CFAP77: variants seen among roughly 807,000 people sequenced by gnomAD.
The protein encoded by CFAP77 is cilia- and flagella-associated protein 77.
CFAP77 carries 25 observed loss-of-function variants against 31.1 expected under a neutral mutation model. The observed-to-expected ratio is 0.80, with a 90% CI of 0.59 to 1.12. The LOEUF (loss-of-function observed/expected upper bound fraction) is 1.12, where lower values mean the gene tolerates loss of function less well. CFAP77 is among the 50% of genes most tolerant of loss of function. The pLI is 0.00. For missense variants in CFAP77, 377 were observed against 397.3 expected (o/e 0.95, Z 0.44); for synonymous variants, 151 against 159.9 (o/e 0.94, Z 0.42).
chr9:132,531,625 T>TTG (rs568339984), intron 3 of CFAP77, among the ~76,000 whole-genome samples: 1 of 66,046 alleles, frequency 1.5e-5, no homozygotes, highest in African/African-American at 4.9e-5. Flanking sequence ...GGCTAAGACA[T>TTG]GGGGGGGGGG....
Position 132,498,784 on chromosome 9 carries a change from A to G in CFAP77, c.285A>G (p.Gly95=), listed in dbSNP as rs151284797. ...YGLYIRGLDG[G]VPEAIGRWNV... ...TCTACATCCGAGGGCTTGACGGAGG[A>G]GTCCCTGAAGGTGAGCGAGCAGCTT... The change falls in exon 2 of 6, where the codon GGA becomes GGG. Residue 95 remains glycine, a synonymous_variant. Transcript: ENST00000393216. This position sits in a 1 kb window ranked among gnomAD's most constrained non-coding sequence, Gnocchi z 4.2. 1,857 of 1,607,930 alleles carry G rather than the reference A, an allele frequency of 1.2e-3. 25 individuals carry two copies. In the African/African-American group the frequency reaches 0.022, roughly 19 times the overall value.
intron 1 of CFAP77, among the ~76,000 whole-genome samples, chr9:132,452,107 A>AT (rs1268454362): frequency 6.6e-6 from 1 of 152,022 alleles, no homozygotes; most frequent in East Asian, 1.9e-4. Context: ...CCAGCCTGAG[A>AT]TTTTCAAAAG....
At chr9:132,472,084 T>TC (rs545851266) in intron 1 of CFAP77, among the ~76,000 whole-genome samples, 1 of 152,040 alleles carries the variant, frequency 6.6e-6, no homozygotes, top group Non-Finnish European at 1.5e-5. Flanking sequence ...CCTTTGCAGA[T>TC]CCCCCCGCCG....
At chr9:132,523,817 T>C (rs10901183) in intron 3 of CFAP77, among the ~76,000 whole-genome samples, 69,463 of 151,982 alleles carry the variant, frequency 0.46, 16,512 homozygotes, top group East Asian at 0.78. Context: ...GATGAATTTC[T>C]TTCCTCCCCT....
At chr9:132,529,520 C>CAAAAAAAAAAAAAACA (rs376224942) in intron 3 of CFAP77, among the ~76,000 whole-genome samples, 9 of 123,402 alleles carry the variant, frequency 7.3e-5, no homozygotes, top group African/African-American at 2.3e-4. Context: ...AAAAAAAAAA[C>CAAAAAAAAAAAAAACA]AAAAAAAAAA....
At chr9:132,505,708 G>T (rs1370577600) in intron 3 of CFAP77, among the ~76,000 whole-genome samples, 1 of 152,144 alleles carries the variant, frequency 6.6e-6, no homozygotes, top group African/African-American at 2.4e-5. Context: ...TCTGCGCTCT[G>T]CCTGGCTCCT....
At chr9:132,449,408 A>G (rs1850783894) in intron 1 of CFAP77, among the ~76,000 whole-genome samples, 1 of 150,096 alleles carries the variant, frequency 6.7e-6, no homozygotes, top group South Asian at 2.1e-4. Context: ...CTAGAATTTG[A>G]TATAAATGGA....
intron 1 of CFAP77, among the ~76,000 whole-genome samples, chr9:132,412,740 G>GT (rs869275935): frequency 6.6e-6 from 1 of 151,912 alleles, no homozygotes. Context: ...TCCTATATTA[G>GT]TTTTTTTAAA....
intron 1 of CFAP77, among the ~76,000 whole-genome samples, chr9:132,457,401 T>C (rs1331801894): frequency 6.6e-6 from 1 of 152,236 alleles, no homozygotes; most frequent in Non-Finnish European, 1.5e-5. Context: ...ACTGTGTCAC[T>C]GCCTAGTTTT....
At chr9:132,491,531 A>G (rs1420748596) in intron 1 of CFAP77, among the ~76,000 whole-genome samples, 4 of 152,190 alleles carry the variant, frequency 2.6e-5, no homozygotes, top group Admixed American at 6.5e-5. Context: ...AAGTGTAGAA[A>G]AGTGCTCAGC....
chr9:132,437,765 G>C (rs1390209449), intron 1 of CFAP77, among the ~76,000 whole-genome samples: 6 of 151,114 alleles, frequency 4.0e-5, no homozygotes, highest in Non-Finnish European at 8.9e-5. Context: ...CCCGTCTTGG[G>C]CTCCCAAAGT....
chr9:132,431,640 C>T (rs1462872799), intron 1 of CFAP77, among the ~76,000 whole-genome samples: 1 of 152,052 alleles, frequency 6.6e-6, no homozygotes, highest in Non-Finnish European at 1.5e-5. Flanking sequence ...ACTCAGTGAT[C>T]CTGAATATAT....
At chr9:132,491,691 T>C (rs1851655840) in intron 1 of CFAP77, among the ~76,000 whole-genome samples, 1 of 152,220 alleles carries the variant, frequency 6.6e-6, no homozygotes, top group South Asian at 2.1e-4. Flanking sequence ...ATTGGGTAAA[T>C]AATGATCTTA....
intron 4 of CFAP77, among the ~76,000 whole-genome samples, chr9:132,538,763 G>A (rs1430929554): frequency 6.6e-6 from 1 of 151,984 alleles, no homozygotes; most frequent in African/African-American, 2.4e-5. Context: ...GGGCGACAGA[G>A]TGAGACTCTC....
chr9:132,418,442 G>A (rs1564197184), intron 1 of CFAP77, among the ~76,000 whole-genome samples: 1 of 152,232 alleles, frequency 6.6e-6, no homozygotes, highest in South Asian at 2.1e-4. Flanking sequence ...TCCTTCACCC[G>A]TGGTTCATGG....
chr9:132,512,711 C>T (rs1448185322), intron 3 of CFAP77, among the ~76,000 whole-genome samples: 3 of 152,178 alleles, frequency 2.0e-5, no homozygotes, highest in Non-Finnish European at 4.4e-5. Context: ...CTTTGGGAGG[C>T]CGAGGCGGGC....
chr9:132,434,536 C>T (rs561960335), intron 1 of CFAP77, among the ~76,000 whole-genome samples: 10 of 152,246 alleles, frequency 6.6e-5, no homozygotes, highest in African/African-American at 2.4e-4. Flanking sequence ...AAACTTAAGA[C>T]ACTTTCATTT....
At position 132,455,931 on chromosome 9, in the gene CFAP77, G is replaced by A. The variant is rs1156600366; in HGVS notation, c.196-42764G>A. 6.6e-6 allele frequency among the ~76,000 whole-genome samples: 1 copy of A among 152,170 alleles called. No homozygotes were observed. Among genetic ancestry groups the A allele is most frequent in the East Asian group, 1.9e-4 (1 of 5,204 alleles). ...ATCCAGCGTCAGCCACTTATTAGCT[G>A]TATAACCTTGAGCAAGTTATTTATC... is the stretch of plus-strand genomic sequence containing the variant. On this transcript the variant is annotated intron_variant, in intron 1 of 5. Coordinates refer to ENST00000393216, the MANE Select transcript of CFAP77 (RefSeq NM_001282957.2). The surrounding 1 kb of genome is among the most constrained non-coding windows in gnomAD (Gnocchi z 4.1).
chr9:132,503,139 G>A (rs1851881877), intron 3 of CFAP77, among the ~76,000 whole-genome samples: 2 of 152,092 alleles, frequency 1.3e-5, no homozygotes, highest in African/African-American at 4.8e-5. Flanking sequence ...AGTCACTTCG[G>A]GGCTGGATTA....
Sources: allele counts gnomAD v4.1 joint callset (sites outside exome capture counted in the v4.1 genomes callset), GRCh38; gene constraint gnomAD v4.1.1; non-coding constraint Gnocchi (gnomAD v3.1); transcripts MANE v1.5; gene names NCBI Gene and HGNC (gene_info 2026-07-23, HGNC 2026-07-21).